UNC5C: variants seen among roughly 807,000 people sequenced by gnomAD.
The protein encoded by UNC5C is unc-5 netrin receptor C, also known as netrin receptor UNC5C.
Under a neutral mutation model 99.8 loss-of-function variants are expected in UNC5C, and 47 were observed. The observed-to-expected ratio is 0.47, with a 90% CI of 0.37 to 0.60. The LOEUF is 0.60. Ranked by LOEUF, UNC5C falls within the 20% of genes least tolerant of loss-of-function variation. The pLI is 0.00. For missense variants in UNC5C, 1,062 were observed against 1,165.9 expected, an observed-to-expected ratio of 0.91 and a Z score of 1.30; for synonymous variants, 487 against 452.2, an observed-to-expected ratio of 1.08 and a Z score of -0.98.
intron 3 of UNC5C, among the ~76,000 whole-genome samples, chr4:95,295,332 A>C (rs1741635510): frequency 6.6e-6 from 1 of 152,190 alleles, no homozygotes; most frequent in South Asian, 2.1e-4. Context: ...GAAAACTACC[A>C]GACCCGCCTA....
At chr4:95,295,755 G>A (rs917984220) in intron 3 of UNC5C, among the ~76,000 whole-genome samples, 1 of 152,178 alleles carries the variant, frequency 6.6e-6, no homozygotes, top group African/African-American at 2.4e-5. Flanking sequence ...TTACTGGGCA[G>A]AGCACCACAG....
chr4:95,430,973 C>T (rs2149460200), intron 1 of UNC5C, among the ~76,000 whole-genome samples: 1 of 152,218 alleles, frequency 6.6e-6, no homozygotes, highest in South Asian at 2.1e-4. Context: ...TACATCCCAC[C>T]TCCTTAGCCA....
intron 4 of UNC5C, 113 bp downstream of exon 4, chr4:95,278,146 A>C (rs1172956071): frequency 1.2e-6 from 1 of 865,634 alleles, no homozygotes; most frequent in East Asian, 2.5e-5. Context: ...GGACTCTATT[A>C]CCAACCATTC....
chr4:95,226,740 G>T lies in UNC5C; in HGVS notation c.1109-6564C>A, dbSNP rs115266861. Among the ~76,000 whole-genome samples, 924 of 152,308 alleles carry T rather than the reference G, an allele frequency of 6.1e-3. 12 individuals are homozygous for T. The highest frequency in any genetic ancestry group is 0.021 in the African/African-American group (878 of 41,560). On this transcript the variant is annotated intron_variant, in intron 7 of 15. Transcript: ENST00000453304. ...TCCAAAGCACATTTTCAAGGCCAGAGTGCAAATTGATGGTAAAAAGGTATC... is the reference window on the plus strand; with the variant it reads ...TCCAAAGCACATTTTCAAGGCCAGATTGCAAATTGATGGTAAAAAGGTATC...
At chr4:95,380,876 T>C (rs1442744154) in intron 1 of UNC5C, among the ~76,000 whole-genome samples, 1 of 152,310 alleles carries the variant, frequency 6.6e-6, no homozygotes, top group Admixed American at 6.5e-5. Context: ...ACAGAAAGGA[T>C]GGCTCTCCCA....
rs975982073 is a variant in UNC5C, at chr4:95,503,145, T to C, written c.124+45589A>G. 2.0e-5 allele frequency among the ~76,000 whole-genome samples: 3 copies of C among 152,160 alleles called. 1 individual carries two copies. The highest frequency in any genetic ancestry group is 2.9e-5 in the Non-Finnish European group (2 of 68,030). On this transcript the variant is annotated intron_variant, in intron 1 of 15. Coordinates refer to ENST00000453304, the MANE Select transcript of UNC5C (RefSeq NM_003728.4). ...GGTCTTTTAAGAGGTGATTAGATCA[T>C]GTAGGCTCAGCCTTCATCAATGAAT...
intron 4 of UNC5C, among the ~76,000 whole-genome samples, chr4:95,253,708 G>A (rs539964949): frequency 1.1e-4 from 17 of 152,258 alleles, no homozygotes; most frequent in South Asian, 2.1e-4. Context: ...GACTCCTCCA[G>A]CTTCTGACAA....
In UNC5C at chr4:95,439,383, GT is replaced by G. The variant is rs3069229; in HGVS notation, c.125-103753del. On this transcript the variant is annotated intron_variant, in intron 1 of 15. Coordinates refer to ENST00000453304, the MANE Select transcript of UNC5C (RefSeq NM_003728.4). ...AAAAGAAGTGTTACATGAGGTTTTG[GT>G]TTTTTTTTTTTTGTTTCCTCTTCTC... is the stretch of plus-strand genomic sequence containing the variant. 7.4e-3 allele frequency among the ~76,000 whole-genome samples: 1,070 copies of G among 144,364 alleles called. 7 individuals are homozygous for G. The highest frequency in any genetic ancestry group is 0.011 in the African/African-American group (457 of 39,850). The allele number at this position is 144,364 out of a possible 152,430, so 94.7% of individuals were successfully genotyped here.
chr4:95,468,849 A>G (rs1747878803), intron 1 of UNC5C, among the ~76,000 whole-genome samples: 1 of 152,188 alleles, frequency 6.6e-6, no homozygotes. Context: ...ACATTGTTCA[A>G]TAAAAAAAGA....
intron 1 of UNC5C, among the ~76,000 whole-genome samples, chr4:95,521,471 G>C (rs185139933): frequency 6.6e-6 from 1 of 151,980 alleles, no homozygotes; most frequent in African/African-American, 2.4e-5. Context: ...ACCTGGCTCG[G>C]CCTCCCAAAG....
At chr4:95,225,152 G>A (rs1175794593) in intron 7 of UNC5C, among the ~76,000 whole-genome samples, 3 of 152,160 alleles carry the variant, frequency 2.0e-5, no homozygotes, top group Non-Finnish European at 4.4e-5. Flanking sequence ...CGCCTCCCGG[G>A]TTCAAGCGAT....
intron 3 of UNC5C, among the ~76,000 whole-genome samples, chr4:95,287,922 C>T (rs2865431): frequency 0.66 from 100,037 of 151,962 alleles, 33,902 homozygotes; most frequent in African/African-American, 0.83. Flanking sequence ...TATAGCAGTG[C>T]CTTAGTAAAT....
intron 2 of UNC5C, among the ~76,000 whole-genome samples, chr4:95,328,132 G>T: frequency 1.0e-5 from 1 of 98,854 alleles, no homozygotes; most frequent in African/African-American, 3.6e-5. Context: ...AGTTACATAT[G>T]TATACATGTG....
chr4:95,197,555 C>T (rs1411326256), intron 12 of UNC5C, among the ~76,000 whole-genome samples: 4 of 151,936 alleles, frequency 2.6e-5, no homozygotes, highest in Non-Finnish European at 5.9e-5. Context: ...GGTAGAGGAC[C>T]GCAGCTGGGG....
intron 12 of UNC5C, among the ~76,000 whole-genome samples, chr4:95,195,096 C>A (rs1737324859): frequency 6.6e-6 from 1 of 152,160 alleles, no homozygotes; most frequent in South Asian, 2.1e-4. Context: ...TTCAAAATGC[C>A]ACTGAAGTCT....
chr4:95,422,374 C>CA (rs770002213), intron 1 of UNC5C, among the ~76,000 whole-genome samples: 106 of 152,254 alleles, frequency 7.0e-4, no homozygotes, highest in Non-Finnish European at 1.2e-3. Context: ...TTAATTTAAT[C>CA]AAAAACCTTA....
At chr4:95,369,237 G>A (rs538232999) in intron 1 of UNC5C, among the ~76,000 whole-genome samples, 13 of 151,904 alleles carry the variant, frequency 8.6e-5, no homozygotes, top group Admixed American at 2.0e-4. Flanking sequence ...ACTTTAATTC[G>A]GTTTTCATAA....
chr4:95,215,672 AAGAATCGTGGG>A (rs1738221121), intron 10 of UNC5C, among the ~76,000 whole-genome samples: 2 of 152,220 alleles, frequency 1.3e-5, no homozygotes, highest in African/African-American at 4.8e-5. Flanking sequence ...TCACAAAAGG[AAGAATCGTGGG>A]TCAGAATTAA....
At chr4:95,547,694 C>G (rs1483049321) in intron 1 of UNC5C, among the ~76,000 whole-genome samples, 1 of 152,214 alleles carries the variant, frequency 6.6e-6, no homozygotes, top group Non-Finnish European at 1.5e-5. Context: ...TTTTGGGGCC[C>G]AGGTGACCTG....
Sources: allele counts gnomAD v4.1 joint callset (sites outside exome capture counted in the v4.1 genomes callset), GRCh38; gene constraint gnomAD v4.1.1; transcripts MANE v1.5; gene names NCBI Gene and HGNC (gene_info 2026-07-23, HGNC 2026-07-21).